Variants in UQCC1 observed in about 807,000 individuals in gnomAD.
UQCC1 encodes the protein bFGF-repressed Zic-binding protein.
UQCC1 carries 38 observed loss-of-function variants against 48.0 expected under a neutral mutation model. The ratio of observed to expected loss-of-function variants is 0.79; its 90% confidence interval spans 0.61 to 1.04. The LOEUF is 1.04. Ranked by LOEUF, UQCC1 falls within the 50% of genes least tolerant of loss-of-function variation. The pLI is 0.00. For missense variants in UQCC1, 368 were observed against 381.8 expected, an observed-to-expected ratio of 0.96 and a Z score of 0.30; for synonymous variants, 111 against 129.2, an observed-to-expected ratio of 0.86 and a Z score of 0.95.
intron 3 of UQCC1, among the ~76,000 whole-genome samples, chr20:35,382,452 T>C (rs2061883209): frequency 6.6e-6 from 1 of 152,058 alleles, no homozygotes; most frequent in Non-Finnish European, 1.5e-5. Flanking sequence ...GAGGGCATTT[T>C]TATTGCTTAG....
chr20:35,377,253 G>A (rs2061812803), intron 4 of UQCC1, among the ~76,000 whole-genome samples: 1 of 152,180 alleles, frequency 6.6e-6, no homozygotes, highest in Non-Finnish European at 1.5e-5. Context: ...TCCCAGGAAT[G>A]CAAAGATAAT....
At chr20:35,402,750 G>A (rs1274008599) in intron 1 of UQCC1, among the ~76,000 whole-genome samples, 1 of 151,738 alleles carries the variant, frequency 6.6e-6, no homozygotes, top group East Asian at 1.9e-4. Flanking sequence ...CAGAGATCAT[G>A]CTGCTGTACT....
intron 9 of UQCC1, 30 bp downstream of exon 9, chr20:35,306,636 A>C: frequency 6.4e-7 from 1 of 1,570,100 alleles, no homozygotes; most frequent in Non-Finnish European, 8.8e-7. Context: ...TGTTGCCAGG[A>C]CTTGGGAGGG....
intron 8 of UQCC1, among the ~76,000 whole-genome samples, chr20:35,311,832 A>G (rs185477039): frequency 3.1e-3 from 473 of 152,338 alleles, no homozygotes; most frequent in Non-Finnish European, 5.2e-3. Flanking sequence ...GGTAATTAGT[A>G]TATTTCCCCA....
At chr20:35,311,505 T>C (rs1424616283) in intron 8 of UQCC1, among the ~76,000 whole-genome samples, 2 of 152,238 alleles carry the variant, frequency 1.3e-5, no homozygotes, top group African/African-American at 4.8e-5. Context: ...TTAAAATAGC[T>C]GCATGTGTTT....
intron 8 of UQCC1, among the ~76,000 whole-genome samples, chr20:35,309,974 G>A (rs546472271): frequency 1.3e-5 from 2 of 152,188 alleles, no homozygotes; most frequent in Non-Finnish European, 2.9e-5. Flanking sequence ...GTGAGACTCA[G>A]CTACACTCTA....
At chr20:35,405,492 A>T (rs981841669) in intron 1 of UQCC1, among the ~76,000 whole-genome samples, 9 of 152,234 alleles carry the variant, frequency 5.9e-5, no homozygotes, top group Admixed American at 4.6e-4. Flanking sequence ...GAAAAAATGC[A>T]ATCAATAGAA....
chr20:35,404,148 G>C (rs1388626011), intron 1 of UQCC1, among the ~76,000 whole-genome samples: 1 of 152,144 alleles, frequency 6.6e-6, no homozygotes, highest in Non-Finnish European at 1.5e-5. Flanking sequence ...TTGGGAAGCC[G>C]AGGCGGGCGG....
rs1468892145 is a variant in UQCC1 at position 35,381,959 on chromosome 20, C to G, written c.292G>C (p.Glu98Gln). 1.2e-6 allele frequency: 2 copies of G among 1,613,028 alleles called. No individual in the cohort carries two copies. Among genetic ancestry groups the G allele is most frequent in the African/African-American group, 2.7e-5 (2 of 74,976 alleles). ...AAAGGTCCCGTGAATCCCATGGCTT[C>G]TATTATCTTTGTGAAAGCACCAACC... ...EKVGAFTKII[E>Q]AMGFTGPLKY... Residue 98 changes from glutamate to glutamine, a missense_variant, in exon 4 of 10, where the codon GAA (glutamate) becomes CAA (glutamine). Glu to Gln is a conservative substitution (Grantham distance 29, BLOSUM62 2). Transcript: ENST00000374385.
At chr20:35,367,912 C>G (rs2061687794) in intron 5 of UQCC1, among the ~76,000 whole-genome samples, 2 of 152,330 alleles carry the variant, frequency 1.3e-5, no homozygotes, top group South Asian at 2.1e-4. Context: ...TCCTTGGTTT[C>G]AGATCCCACA....
chr20:35,306,757 C>G lies in UQCC1; in HGVS notation c.674G>C (p.Gly225Ala), dbSNP rs377267838. ...YDEGILSDDHGLAAALWRTFF... is the reference protein window; with the variant it reads ...YDEGILSDDHALAAALWRTFF... ...GGTTCTCCAGAGGGCAGCGGCCAGC[C>G]CATGATCATCTGAAAGGATCCCCTG... Residue 225 changes from glycine to alanine, a missense_variant, in exon 9 of 10, where the codon GGG becomes GCG. By Grantham distance (60) the Gly-to-Ala change is moderately conservative. Coordinates refer to ENST00000374385, the MANE Select transcript of UQCC1 (RefSeq NM_018244.5). 8 of 1,614,038 alleles carry G rather than the reference C, an allele frequency of 5.0e-6. No homozygotes were observed. Among genetic ancestry groups the G allele is most frequent in the East Asian group, 4.5e-5 (2 of 44,866 alleles).
rs76352043 is a variant in UQCC1 at position 35,392,442 on chromosome 20, G to A, written c.129+1650C>T. ...TGTCCCAGAGCCTAATACAGTACCC[G>A]GTACTTATTAGGTGCTCAAGAAACG... is the stretch of plus-strand genomic sequence containing the variant. On this transcript the variant is annotated intron_variant, in intron 2 of 9. Coordinates refer to ENST00000374385, the MANE Select transcript of UQCC1 (RefSeq NM_018244.5). Among the ~76,000 whole-genome samples the A allele has an allele frequency of 6.7e-3, 1,023 of 152,196 alleles. 15 individuals are homozygous for A. Among genetic ancestry groups the A allele is most frequent in the African/African-American group, 0.023 (975 of 41,516 alleles).
At chr20:35,359,639 G>A (rs2061584193) in intron 6 of UQCC1, among the ~76,000 whole-genome samples, 1 of 152,162 alleles carries the variant, frequency 6.6e-6, no homozygotes, top group Admixed American at 6.5e-5. Context: ...GCTGCTTAGA[G>A]TAGATCTGAT....
chr20:35,371,603 A>G (rs1329018068), intron 5 of UQCC1, among the ~76,000 whole-genome samples: 1 of 149,346 alleles, frequency 6.7e-6, no homozygotes, highest in African/African-American at 2.4e-5. Context: ...AAGTGCTGGG[A>G]TTACAGGCGT....
chr20:35,407,849 C>G (rs148771377), intron 1 of UQCC1, among the ~76,000 whole-genome samples: 1,532 of 152,296 alleles, frequency 0.01, 23 homozygotes, highest in African/African-American at 0.033. Flanking sequence ...ATGGGGAAAC[C>G]CCATCTCTAC....
intron 7 of UQCC1, among the ~76,000 whole-genome samples, chr20:35,326,673 G>A (rs748222354): frequency 1.3e-5 from 2 of 152,140 alleles, no homozygotes; most frequent in African/African-American, 2.4e-5. Flanking sequence ...GCAAGAAGAC[G>A]CTGACACACT....
intron 7 of UQCC1, among the ~76,000 whole-genome samples, chr20:35,339,471 G>A (rs985755457): frequency 9.2e-5 from 14 of 151,990 alleles, no homozygotes; most frequent in African/African-American, 7.3e-5. Context: ...CAGATCAGAC[G>A]GAATAGCATA....
intron 8 of UQCC1, among the ~76,000 whole-genome samples, chr20:35,308,639 G>C (rs1387313629): frequency 6.6e-6 from 1 of 152,250 alleles, no homozygotes; most frequent in African/African-American, 2.4e-5. Context: ...CAGACTGTTA[G>C]GGTTCCCTCA....
chr20:35,411,066 C>G (rs139471451), intron 1 of UQCC1, among the ~76,000 whole-genome samples: 1 of 152,024 alleles, frequency 6.6e-6, no homozygotes, highest in East Asian at 1.9e-4. Flanking sequence ...AGGAATAGAC[C>G]ATGTCTACTA....
Sources: gnomAD v4.1 joint callset for allele counts (sites outside exome capture counted in the v4.1 genomes callset) on GRCh38, gnomAD v4.1.1 for gene constraint, MANE v1.5 for transcripts, NCBI Gene and HGNC (gene_info 2026-07-23, HGNC 2026-07-21) for gene names.